CCSER1: variants seen among roughly 807,000 people sequenced by gnomAD.
CCSER1 encodes the protein serine-rich coiled-coil domain-containing protein 1.
In CCSER1, 41 loss-of-function variants were observed where a neutral mutation model predicts 82.0. The observed-to-expected ratio is 0.50, with a 90% confidence interval of 0.39 to 0.65. The LOEUF (loss-of-function observed/expected upper bound fraction) is 0.65. Among genes scored for constraint, CCSER1 ranks in the 30% least tolerant of loss-of-function variants. The probability of loss-of-function intolerance (pLI) is 0.00; values close to 1 mark genes in which losing one functional copy is unlikely to be tolerated. For synonymous variants in CCSER1, 414 were observed against 383.9 expected, an observed-to-expected ratio of 1.08 and a Z score of -0.92; for missense variants, 1,119 against 1,064.2, an observed-to-expected ratio of 1.05 and a Z score of -0.72.
At chr4:90,206,797 A>G (rs964872618) in intron 1 of CCSER1, among the ~76,000 whole-genome samples, 18 of 143,920 alleles carry the variant, frequency 1.3e-4, no homozygotes, top group African/African-American at 4.9e-4. Flanking sequence ...GTCTCCCACT[A>G]TTACTTTGTG....
chr4:91,483,947 GC>G (rs1302122292), intron 10 of CCSER1, among the ~76,000 whole-genome samples: 2 of 151,124 alleles, frequency 1.3e-5, no homozygotes, highest in African/African-American at 4.9e-5. Flanking sequence ...AGATAGTCTT[GC>G]CCAAGTAGGC....
chr4:91,577,552 T>G (rs987751043), intron 10 of CCSER1, among the ~76,000 whole-genome samples: 7 of 152,082 alleles, frequency 4.6e-5, no homozygotes, highest in Non-Finnish European at 8.8e-5. Context: ...TGAATAGTAT[T>G]GGATTAATGA....
At chr4:91,217,882 A>G (rs1201113815) in intron 10 of CCSER1, among the ~76,000 whole-genome samples, 1 of 152,250 alleles carries the variant, frequency 6.6e-6, no homozygotes, top group Non-Finnish European at 1.5e-5. Flanking sequence ...ACTCCCCACC[A>G]GACTCAGGAG....
At chr4:91,209,390 G>C (rs1464839104) in intron 10 of CCSER1, among the ~76,000 whole-genome samples, 1 of 151,668 alleles carries the variant, frequency 6.6e-6, no homozygotes, top group Non-Finnish European at 1.5e-5. Context: ...TGTTCCTTCA[G>C]TGCCTAGTTT....
chr4:90,239,804 G>A (rs1037443576), intron 1 of CCSER1, among the ~76,000 whole-genome samples: 1 of 152,066 alleles, frequency 6.6e-6, no homozygotes, highest in East Asian at 1.9e-4. Context: ...GTTCTTAGTT[G>A]TAGCTTGTAA....
chr4:91,529,342 C>G (rs1212818710), intron 10 of CCSER1, among the ~76,000 whole-genome samples: 1 of 151,970 alleles, frequency 6.6e-6, no homozygotes, highest in Non-Finnish European at 1.5e-5. Context: ...ATTTTGTTTA[C>G]TGCAAGACCC....
rs1236491548 is a variant in CCSER1, at chr4:91,369,996, AT to A, written c.2218-228571del. ...TGCCCAGCCAGTCAGTAGCTTTTGAATTTTTGATTACTGAACCCTTACTTCT... is the reference window on the plus strand; with the variant it reads ...TGCCCAGCCAGTCAGTAGCTTTTGAATTTTGATTACTGAACCCTTACTTCT... On this transcript the variant is annotated intron_variant, in intron 10 of 10. Transcript: ENST00000509176. Among the ~76,000 whole-genome samples, 8 of 151,946 alleles carry A rather than the reference AT, an allele frequency of 5.3e-5. No individual in the cohort carries two copies. The South Asian group carries it at 8.3e-4, about 16-fold the overall frequency.
At chr4:91,266,760 A>T (rs989321780) in intron 10 of CCSER1, among the ~76,000 whole-genome samples, 7 of 152,234 alleles carry the variant, frequency 4.6e-5, no homozygotes, top group Admixed American at 4.6e-4. Context: ...ATACTTTAGT[A>T]GCTGGCTGAT....
intron 3 of CCSER1, among the ~76,000 whole-genome samples, chr4:90,383,796 A>G (rs1411649996): frequency 6.6e-6 from 1 of 152,010 alleles, no homozygotes; most frequent in Non-Finnish European, 1.5e-5. Flanking sequence ...CAGTGGCACA[A>G]TAATAGGTCT....
At chr4:91,001,294 G>C (rs1032418237) in intron 9 of CCSER1, among the ~76,000 whole-genome samples, 13 of 152,072 alleles carry the variant, frequency 8.5e-5, no homozygotes, top group Non-Finnish European at 1.6e-4. Context: ...TTGATGTACT[G>C]TGGAATTTAG....
chr4:90,337,621 C>CT (rs70963064), intron 3 of CCSER1, among the ~76,000 whole-genome samples: 104 of 149,766 alleles, frequency 6.9e-4, no homozygotes, highest in Middle Eastern at 3.4e-3. Flanking sequence ...TGTTTTTAAT[C>CT]TTTTTTTTTT....
intron 5 of CCSER1, among the ~76,000 whole-genome samples, chr4:90,486,065 T>C (rs1481392210): frequency 6.6e-6 from 1 of 152,206 alleles, no homozygotes. Context: ...CAATTGTAGA[T>C]GTTCACAAAT....
intron 9 of CCSER1, among the ~76,000 whole-genome samples, chr4:91,049,638 A>G (rs185405406): frequency 6.6e-6 from 1 of 152,366 alleles, no homozygotes; most frequent in East Asian, 1.9e-4. Flanking sequence ...CAGTAATCAA[A>G]TTGTGTCATT....
chr4:90,963,917 C>T (rs1238414027), intron 9 of CCSER1, among the ~76,000 whole-genome samples: 1 of 151,998 alleles, frequency 6.6e-6, no homozygotes, highest in African/African-American at 2.4e-5. Context: ...TTTTTATTTT[C>T]TTCTTCTCTT....
At chr4:91,124,267 C>G (rs1333091064) in intron 10 of CCSER1, among the ~76,000 whole-genome samples, 1 of 151,656 alleles carries the variant, frequency 6.6e-6, no homozygotes, top group African/African-American at 2.4e-5. Context: ...AAGAGAGTTA[C>G]ATCTGTGCAA....
chr4:91,466,502 A>G (rs961927930), intron 10 of CCSER1, among the ~76,000 whole-genome samples: 1 of 152,182 alleles, frequency 6.6e-6, no homozygotes, highest in Non-Finnish European at 1.5e-5. Context: ...AGTTCTGGCC[A>G]GGGCAATCAG....
At chr4:90,157,342 A>G (rs1277861759) in intron 1 of CCSER1, among the ~76,000 whole-genome samples, 5 of 152,072 alleles carry the variant, frequency 3.3e-5, no homozygotes, top group Non-Finnish European at 5.9e-5. Context: ...GAATCTGACA[A>G]TTATGTGTCT....
chr4:90,381,304 T>C (rs557354220), intron 3 of CCSER1, among the ~76,000 whole-genome samples: 2 of 152,346 alleles, frequency 1.3e-5, no homozygotes, highest in East Asian at 3.9e-4. Context: ...GTAAAGACTT[T>C]TTAATTTCAT....
chr4:90,469,085 G>C (rs1764011526), intron 5 of CCSER1, among the ~76,000 whole-genome samples: 1 of 152,072 alleles, frequency 6.6e-6, no homozygotes, highest in Admixed American at 6.5e-5. Flanking sequence ...TTAGTGATTA[G>C]GTGATATAAG....
Sources: allele counts gnomAD v4.1 joint callset (sites outside exome capture counted in the v4.1 genomes callset), GRCh38; gene constraint gnomAD v4.1.1; transcripts MANE v1.5; gene names NCBI Gene and HGNC (gene_info 2026-07-23, HGNC 2026-07-21).